Variants in CHST9 observed in about 807,000 individuals in gnomAD.
CHST9 encodes GalNAc-4-sulfotransferase 2.
In CHST9, 41 loss-of-function variants were observed where a neutral mutation model predicts 44.4. The ratio of observed to expected loss-of-function variants is 0.92; its 90% confidence interval spans 0.72 to 1.20. The LOEUF (loss-of-function observed/expected upper bound fraction) is 1.20. Among genes scored for constraint, CHST9 ranks in the 50% most tolerant of loss-of-function variants. CHST9 has a pLI of 0.00. For missense variants in CHST9, 504 were observed against 516.5 expected (o/e 0.98, Z 0.23); for synonymous variants, 171 against 178.4 (o/e 0.96, Z 0.33).
At chr18:27,181,723 T>G (rs2058913944) in intron 1 of CHST9, among the ~76,000 whole-genome samples, 1 of 152,250 alleles carries the variant, frequency 6.6e-6, no homozygotes, top group Admixed American at 6.5e-5. Context: ...AAAGTGGGAT[T>G]GAATTTCTCA....
At chr18:27,168,747 T>G (rs1371062901) in intron 1 of CHST9, among the ~76,000 whole-genome samples, 1 of 152,118 alleles carries the variant, frequency 6.6e-6, no homozygotes, top group Admixed American at 6.5e-5. Flanking sequence ...TCCTCTTGAA[T>G]GCAAACAAGA....
intron 1 of CHST9, among the ~76,000 whole-genome samples, chr18:27,148,310 GGTTT>G (rs1166961541): frequency 6.6e-6 from 1 of 151,260 alleles, no homozygotes; most frequent in Non-Finnish European, 1.5e-5. Flanking sequence ...ACAACATGCA[GGTTT>G]GTTACATATG....
intron 2 of CHST9, among the ~76,000 whole-genome samples, chr18:27,109,198 A>G (rs2143774535): frequency 6.6e-6 from 1 of 152,344 alleles, no homozygotes; most frequent in African/African-American, 2.4e-5. Context: ...CTGCAATATC[A>G]AGAATTCATG....
At chr18:27,125,828 A>G (rs28636962) in intron 2 of CHST9, among the ~76,000 whole-genome samples, 1,604 of 152,322 alleles carry the variant, frequency 0.011, 23 homozygotes, top group African/African-American at 0.033. Flanking sequence ...CAAGTACTTT[A>G]GACAACAACT....
chr18:27,087,886 G>T (rs1443947489), intron 2 of CHST9, among the ~76,000 whole-genome samples: 1 of 152,164 alleles, frequency 6.6e-6, no homozygotes, highest in East Asian at 1.9e-4. Flanking sequence ...TGCCCAAGGT[G>T]ATCTGTGTGT....
At chr18:26,982,484 A>G (rs758206641) in intron 4 of CHST9, among the ~76,000 whole-genome samples, 9 of 152,184 alleles carry the variant, frequency 5.9e-5, no homozygotes, top group Non-Finnish European at 1.2e-4. Flanking sequence ...AACATATGTC[A>G]CTAAGGAACC....
intron 5 of CHST9, among the ~76,000 whole-genome samples, chr18:26,926,866 T>C (rs1275671353): frequency 1.3e-5 from 2 of 152,234 alleles, no homozygotes; most frequent in African/African-American, 2.4e-5. Context: ...TAAATTATAT[T>C]TGGCAGGAAA....
chr18:26,991,673 A>C (rs1333321134), intron 4 of CHST9, among the ~76,000 whole-genome samples: 3 of 67,054 alleles, frequency 4.5e-5, no homozygotes, highest in Admixed American at 2.0e-4. Flanking sequence ...AGCACCTGCC[A>C]GTGAAAGCAG....
intron 5 of CHST9, chr18:26,936,501 T>G (rs1375568549): frequency 2.0e-5 from 3 of 152,134 alleles, no homozygotes; most frequent in African/African-American, 7.2e-5. Flanking sequence ...AGCTTTAACC[T>G]ATGAAGTGAG....
At chr18:27,052,745 A>G (rs1208246134) in intron 2 of CHST9, among the ~76,000 whole-genome samples, 1 of 152,158 alleles carries the variant, frequency 6.6e-6, no homozygotes, top group African/African-American at 2.4e-5. Context: ...TGCAGCCATA[A>G]AAAAGAATGA....
intron 2 of CHST9, among the ~76,000 whole-genome samples, chr18:27,067,230 C>CA (rs2057791249): frequency 6.7e-6 from 1 of 148,854 alleles, no homozygotes. Context: ...CCATAACCGA[C>CA]TTTTTTTTTT....
rs1450778332 is a variant in CHST9 at position 26,914,452 on chromosome 18, T to C, written c.*1807A>G. 1.3e-5 allele frequency: 2 copies of C among 152,604 alleles called. No individual in the cohort carries two copies. Among genetic ancestry groups the C allele is most frequent in the East Asian group, 1.9e-4 (1 of 5,206 alleles). The allele number at this position is 152,604 out of a possible 1,614,324, so 9.5% of individuals were successfully genotyped here. A position where few individuals can be genotyped will look rare whatever the true frequency, so the allele number is the denominator to read the frequency against. On this transcript the variant is annotated 3_prime_UTR_variant, in exon 6 of 6. Coordinates refer to ENST00000618847, the MANE Select transcript of CHST9 (RefSeq NM_031422.6). ...TTCAATTTCCCTAAATTACTAGGAA[T>C]CTACTCTACATGGTGCAGCAAAATT... is the stretch of plus-strand genomic sequence containing the variant.
chr18:27,043,100 T>C (rs1262234281), intron 3 of CHST9, among the ~76,000 whole-genome samples: 1 of 152,080 alleles, frequency 6.6e-6, no homozygotes, highest in Non-Finnish European at 1.5e-5. Context: ...CTGTTGATTC[T>C]CACAGGACAG....
rs1237690330 is a variant in CHST9, at chr18:26,956,325, A to AT, written c.203-11960_203-11959insA. On this transcript the variant is annotated intron_variant, in intron 4 of 5. Coordinates refer to ENST00000618847, the MANE Select transcript of CHST9 (RefSeq NM_031422.6). Reference sequence around the variant, plus strand: ...AGACTCTGTCTCAAAAAAAAAAAAAAAATATATATATATATATATACACAC... The same window carrying AT: ...AGACTCTGTCTCAAAAAAAAAAAAAATAATATATATATATATATATACACAC... Among the ~76,000 whole-genome samples the AT allele has an allele frequency of 9.3e-3, 1,254 of 134,380 alleles. 7 individuals carry two copies. Among genetic ancestry groups the AT allele is most frequent in the African/African-American group, 0.021 (658 of 31,630 alleles). The allele number at this position is 134,380 out of a possible 152,430, so 88.2% of individuals were successfully genotyped here. A position where few individuals can be genotyped will look rare whatever the true frequency, so the allele number is the denominator to read the frequency against.
intron 2 of CHST9, among the ~76,000 whole-genome samples, chr18:27,117,303 G>C (rs2143798376): frequency 6.6e-6 from 1 of 152,116 alleles, no homozygotes; most frequent in East Asian, 1.9e-4. Flanking sequence ...GCTGAAGATA[G>C]AGAATTTCCA....
intron 4 of CHST9, among the ~76,000 whole-genome samples, chr18:26,996,298 A>G (rs1051842725): frequency 1.3e-5 from 2 of 152,186 alleles, no homozygotes; most frequent in African/African-American, 4.8e-5. Flanking sequence ...ACACACTGAT[A>G]TAGTTTGGAT....
At chr18:26,974,749 C>T (rs552893930) in intron 4 of CHST9, among the ~76,000 whole-genome samples, 8 of 151,864 alleles carry the variant, frequency 5.3e-5, no homozygotes, top group Admixed American at 3.9e-4. Context: ...TCTCGGCTCA[C>T]CGCAACCTCT....
chr18:26,984,608 T>C (rs2056732296), intron 4 of CHST9, among the ~76,000 whole-genome samples: 1 of 151,158 alleles, frequency 6.6e-6, no homozygotes, highest in African/African-American at 2.4e-5. Context: ...GATATTGCAA[T>C]ACATGTATCT....
intron 4 of CHST9, among the ~76,000 whole-genome samples, chr18:26,982,338 CCT>C (rs1491306551): frequency 1.7e-5 from 2 of 120,612 alleles, no homozygotes; most frequent in Non-Finnish European, 3.4e-5. Context: ...ACTCCTTTTA[CCT>C]TTTTTTTTTT....
Sources: allele counts gnomAD v4.1 joint callset (sites outside exome capture counted in the v4.1 genomes callset), GRCh38; gene constraint gnomAD v4.1.1; transcripts MANE v1.5; gene names NCBI Gene and HGNC (gene_info 2026-07-23, HGNC 2026-07-21).